Variants in ANKRD12 observed in about 807,000 individuals in gnomAD.
The protein encoded by ANKRD12 is ankyrin repeat domain-containing protein 12.
In ANKRD12, 85 loss-of-function variants were observed where a neutral mutation model predicts 183.4. The observed-to-expected ratio is 0.46, with a 90% CI of 0.39 to 0.56. ANKRD12 has a LOEUF of 0.56. ANKRD12 is among the 20% of genes least tolerant of loss of function. The pLI, the probability that ANKRD12 is intolerant of heterozygous loss-of-function variation, is 0.00. For synonymous variants in ANKRD12, 914 were observed against 800.2 expected (o/e 1.14, Z -2.40); for missense variants, 2,405 against 2,357.1 (o/e 1.02, Z -0.42).
chr18:9,177,050 C>G (rs1431934495), intron 1 of ANKRD12, among the ~76,000 whole-genome samples: 2 of 152,194 alleles, frequency 1.3e-5, no homozygotes, highest in African/African-American at 4.8e-5. Flanking sequence ...AGAATAGAAT[C>G]TATAAACTGC....
At chr18:9,162,307 C>T (rs1358327476) in intron 1 of ANKRD12, among the ~76,000 whole-genome samples, 2 of 146,186 alleles carry the variant, frequency 1.4e-5, no homozygotes, top group Non-Finnish European at 3.0e-5. Flanking sequence ...GTTTGGTTTT[C>T]TTTTCCTGTG....
At position 9,254,439 on chromosome 18, in the gene ANKRD12, C is replaced by A; in HGVS notation, c.1172C>A (p.Pro391His). 6.3e-7 allele frequency: 1 copy of A among 1,575,014 alleles called. No homozygotes were observed. Among genetic ancestry groups the A allele is most frequent in the South Asian group, 1.2e-5 (1 of 83,052 alleles). The part of the protein sequence containing the change: ...LRKEQRKENE[P>H]EAEKTHLFAK... Reference sequence around the variant, plus strand: ...AAAGAACAACGAAAAGAAAATGAACCTGAAGCAGAAAAAACTCATTTATTT... The same window carrying A: ...AAAGAACAACGAAAAGAAAATGAACATGAAGCAGAAAAAACTCATTTATTT... The change falls in exon 9 of 13, where the codon CCT (proline) becomes CAT (histidine). Residue 391 changes from proline (P) to histidine (H), a missense_variant. Physicochemically the swap from Pro to His is moderately conservative, Grantham distance 77. Around this residue, in one of 7 missense-constraint regions of ANKRD12, gnomAD observed 1,983 missense variants for 1,725.9 expected, o/e 1.15. Transcript: ENST00000262126.
chr18:9,257,680 T>C lies in ANKRD12; in HGVS notation c.4413T>C (p.Thr1471=). ...CTGATTTTTTATCCCTGCGCCAGAC[T>C]GAACTGCCAGGAAACTCTTGTGCTC... The part of the protein sequence containing the change: ...ENADFLSLRQ[T]ELPGNSCAQD... Residue 1471 remains threonine (T), a synonymous_variant, in exon 9 of 13, where the codon ACT becomes ACC. Transcript: ENST00000262126. The C allele has an allele frequency of 1.2e-6, 2 of 1,614,092 alleles. No individual in the cohort carries two copies. The highest frequency in any genetic ancestry group is 1.7e-6 in the Non-Finnish European group (2 of 1,179,984).
In ANKRD12 at chr18:9,254,565, C is replaced by G; in HGVS notation, c.1298C>G (p.Ala433Gly). The change falls in exon 9 of 13, where the codon GCT becomes GGT. Residue 433 changes from alanine to glycine, a missense_variant. By Grantham distance (60) the Ala-to-Gly change is moderately conservative. Transcript: ENST00000262126. ...AGTACTGAAAGTTCTGATGAAGAAG[C>G]TCTTCAGAATAAAAAGATTTCTACT... ...YSSTESSDEEALQNKKISTSC... is the reference protein window; with the variant it reads ...YSSTESSDEEGLQNKKISTSC... 1.9e-6 allele frequency: 3 copies of G among 1,561,562 alleles called. No homozygotes were observed. The highest frequency in any genetic ancestry group is 2.6e-6 in the Non-Finnish European group (3 of 1,160,938).
intron 1 of ANKRD12, among the ~76,000 whole-genome samples, chr18:9,167,780 ATC>A (rs1484761815): frequency 1.3e-5 from 2 of 152,196 alleles, no homozygotes; most frequent in Non-Finnish European, 2.9e-5. Flanking sequence ...GAGGGAGGGC[ATC>A]TCTGTCTTGT....
At chr18:9,196,219 CACACTG>C (rs1386144192) in intron 3 of ANKRD12, among the ~76,000 whole-genome samples, 2 of 124,988 alleles carry the variant, frequency 1.6e-5, no homozygotes, top group East Asian at 4.9e-4. Flanking sequence ...CACACACACA[CACACTG>C]AGGCTAACTG....
intron 8 of ANKRD12, chr18:9,250,049 T>C (rs2038196926): frequency 6.6e-6 from 1 of 152,200 alleles, no homozygotes; most frequent in South Asian, 2.1e-4. Context: ...TAATAACACC[T>C]GTTGTAAAGA....
rs2038537049 is a variant in ANKRD12 at position 9,255,293 on chromosome 18, T to C, written c.2026T>C (p.Tyr676His). 9.5e-6 allele frequency: 15 copies of C among 1,577,440 alleles called. No homozygotes were observed. The East Asian group carries it at 2.7e-4, about 28-fold the overall frequency. ...KKEIEGEKEKYKTKDSAKELQ... is the reference protein window; with the variant it reads ...KKEIEGEKEKHKTKDSAKELQ... ...AGAAATTGAAGGTGAAAAGGAAAAA[T>C]ACAAAACTAAGGATAGTGCCAAAGA... is the stretch of plus-strand genomic sequence containing the variant. The change falls in exon 9 of 13, where the codon TAC becomes CAC. Residue 676 changes from tyrosine to histidine, a missense_variant. Physicochemically the swap from Tyr to His is moderately conservative, Grantham distance 83. Around this residue, in one of 7 missense-constraint regions of ANKRD12, gnomAD observed 1,983 missense variants for 1,725.9 expected, o/e 1.15. Transcript: ENST00000262126.
In ANKRD12 at chr18:9,208,820, T is replaced by C. The variant is rs748137215; in HGVS notation, c.451+17T>C. On this transcript the variant is annotated intron_variant, in intron 5 of 12. Transcript: ENST00000262126. ...ACAGTCCAGGTGATACCTACCATCATTGAGTTAATGTGTATCCCTAGTTTT... is the reference window on the plus strand; with the variant it reads ...ACAGTCCAGGTGATACCTACCATCACTGAGTTAATGTGTATCCCTAGTTTT... 14 of 1,528,280 alleles carry C rather than the reference T, an allele frequency of 9.2e-6. No individual in the cohort carries two copies. Among genetic ancestry groups the C allele is most frequent in the South Asian group, 2.7e-5 (2 of 73,798 alleles). 94.7% of individuals were successfully genotyped at this position (1,528,280 alleles called of 1,614,324 possible).
intron 6 of ANKRD12, among the ~76,000 whole-genome samples, chr18:9,214,076 A>AATTTGAAAAATTTC (rs1269505927): frequency 6.6e-6 from 1 of 152,042 alleles, no homozygotes; most frequent in Non-Finnish European, 1.5e-5. Context: ...TTTTTTCAGT[A>AATTTGAAAAATTTC]AATATATTTG....
At chr18:9,179,186 T>C (rs902107257) in intron 1 of ANKRD12, among the ~76,000 whole-genome samples, 1 of 152,248 alleles carries the variant, frequency 6.6e-6, no homozygotes, top group African/African-American at 2.4e-5. Context: ...ATATCTTTGC[T>C]TGTCTACATA....
chr18:9,246,122 A>G (rs935685969), intron 8 of ANKRD12, among the ~76,000 whole-genome samples: 5 of 152,100 alleles, frequency 3.3e-5, no homozygotes, highest in African/African-American at 4.8e-5. Context: ...CCTTTTACTA[A>G]TGCTTATTTT....
chr18:9,150,531 G>A (rs2143559066), intron 1 of ANKRD12, among the ~76,000 whole-genome samples: 1 of 152,146 alleles, frequency 6.6e-6, no homozygotes, highest in East Asian at 1.9e-4. Context: ...TTGTTTTAAG[G>A]ACATTGTTGA....
intron 8 of ANKRD12, among the ~76,000 whole-genome samples, chr18:9,241,165 A>G (rs1264456837): frequency 6.6e-6 from 1 of 152,154 alleles, no homozygotes; most frequent in South Asian, 2.1e-4. Flanking sequence ...TTTTTAACCT[A>G]GAAGCATAAA....
At chr18:9,267,656 C>T (rs1013302291) in intron 10 of ANKRD12, among the ~76,000 whole-genome samples, 1 of 147,186 alleles carries the variant, frequency 6.8e-6, no homozygotes, top group Non-Finnish European at 1.5e-5. Context: ...CTAAATGCCC[C>T]CAAGAGAAAG....
At chr18:9,278,296 G>T (rs530498853) in intron 11 of ANKRD12, among the ~76,000 whole-genome samples, 25 of 152,284 alleles carry the variant, frequency 1.6e-4, no homozygotes, top group African/African-American at 6.0e-4. Context: ...AGGGAAAAAA[G>T]TCTACTTTTC....
rs371538365 is a variant in ANKRD12, at chr18:9,270,796, G to T, written c.5764-4728G>T. 7.8e-4 allele frequency among the ~76,000 whole-genome samples: 119 copies of T among 152,230 alleles called. 1 individual carries two copies. Among genetic ancestry groups the T allele is most frequent in the African/African-American group, 2.8e-3 (117 of 41,540 alleles). Reference sequence around the variant, plus strand: ...AAAAATAAATTCTTACTTGAATTGTGCAATTTGTAGAACTTTAATAAAAAA... The same window carrying T: ...AAAAATAAATTCTTACTTGAATTGTTCAATTTGTAGAACTTTAATAAAAAA... On this transcript the variant is annotated intron_variant, in intron 10 of 12. Coordinates refer to ENST00000262126, the MANE Select transcript of ANKRD12 (RefSeq NM_015208.5).
At chr18:9,211,385 A>G (rs1051782704) in intron 5 of ANKRD12, among the ~76,000 whole-genome samples, 199 bp from the exon 6 acceptor site, 1 of 152,114 alleles carries the variant, frequency 6.6e-6, no homozygotes, top group Non-Finnish European at 1.5e-5. Flanking sequence ...TTAATTGGCT[A>G]ATGATATTTG....
chr18:9,199,530 G>GA lies in ANKRD12; in HGVS notation c.235+3838dup, dbSNP rs2035046694. On this transcript the variant is annotated intron_variant, in intron 3 of 12. Coordinates refer to ENST00000262126, the MANE Select transcript of ANKRD12 (RefSeq NM_015208.5). ...TAAACCTTGACGTAAGGAAATAACA[G>GA]AAAAAAGGGTAGGGAATAAGGAGAA... Among the ~76,000 whole-genome samples, 9 of 152,052 alleles carry GA rather than the reference G, an allele frequency of 5.9e-5. No individual in the cohort carries two copies. The South Asian group carries it at 1.9e-3, about 32-fold the overall frequency.
Sources: gnomAD v4.1 joint callset for allele counts (sites outside exome capture counted in the v4.1 genomes callset) on GRCh38, gnomAD v4.1.1 for gene constraint, gnomAD v4.1.1 regional missense constraint, MANE v1.5 for transcripts, NCBI Gene and HGNC (gene_info 2026-07-23, HGNC 2026-07-21) for gene names.